The following BIRC6 variants were observed in gnomAD, a reference collection of about 807,000 sequenced individuals.
The protein encoded by BIRC6 is dual E2 ubiquitin-conjugating enzyme/E3 ubiquitin-protein ligase BIRC6.
Under a neutral mutation model 503.3 loss-of-function variants are expected in BIRC6, and 98 were observed. That is an observed-to-expected ratio of 0.19 (90% CI 0.17 to 0.23). BIRC6 has a LOEUF of 0.23. Among genes scored for constraint, BIRC6 ranks in the 10% least tolerant of loss-of-function variants. BIRC6 has a pLI of 1.00. For missense variants in BIRC6, 5,360 were observed against 5,806.0 expected, an observed-to-expected ratio of 0.92 and a Z score of 2.50; for synonymous variants, 2,240 against 2,078.7, an observed-to-expected ratio of 1.08 and a Z score of -2.11.
chr2:32,607,001 C>A (rs1258190447), intron 71 of BIRC6, among the ~76,000 whole-genome samples: 2 of 145,636 alleles, frequency 1.4e-5, no homozygotes, highest in Non-Finnish European at 1.5e-5. Context: ...GAGTGAAACT[C>A]AGTCTTATTA....
intron 63 of BIRC6, among the ~76,000 whole-genome samples, chr2:32,546,876 C>T (rs750352444): frequency 6.6e-6 from 1 of 151,998 alleles, no homozygotes; most frequent in South Asian, 2.1e-4. Flanking sequence ...GTCAGAATTT[C>T]GACACCACCC....
Position 32,415,381 on chromosome 2 carries a change from A to G in BIRC6, c.2090A>G (p.Asn697Ser), listed in dbSNP as rs1024053920. The part of the protein sequence containing the change: ...YIQQFADAAA[N>S]LTSPDSEKWN... ...CAGCAATTTGCAGATGCAGCAGCCA[A>G]CCTTACCTCTCCGGATTCTGAGAAG... Residue 697 changes from asparagine to serine, a missense_variant, in exon 10 of 74, where the codon AAC (asparagine) becomes AGC (serine). By Grantham distance (46) the Asn-to-Ser change is conservative (BLOSUM62 1). Transcript: ENST00000421745. 1.1e-5 allele frequency: 17 copies of G among 1,613,876 alleles called. 1 individual carries two copies. The highest frequency in any genetic ancestry group is 6.7e-5 in the African/African-American group (5 of 74,922).
intron 48 of BIRC6, 48 bp downstream of exon 48, chr2:32,502,939 G>C: frequency 6.5e-7 from 1 of 1,542,630 alleles, no homozygotes; most frequent in East Asian, 2.3e-5. Flanking sequence ...TTATGTGATA[G>C]TATGTTACAT....
chr2:32,602,702 C>T (rs2062146671), intron 70 of BIRC6: 1 of 290,830 alleles, frequency 3.4e-6, no homozygotes, highest in Non-Finnish European at 6.3e-6. Flanking sequence ...ATATGTACAA[C>T]TATGTGCTAA....
At chr2:32,470,427 C>T in intron 31 of BIRC6, 126 bp downstream of exon 31, 1 of 986,662 alleles carries the variant, frequency 1.0e-6, no homozygotes, top group African/African-American at 1.7e-5. Flanking sequence ...ATGATGTAAG[C>T]TTTTAAGAAT....
In BIRC6 at chr2:32,575,540, G is replaced by T. The variant is rs183711299; in HGVS notation, c.13355+174G>T. Among the ~76,000 whole-genome samples the T allele has an allele frequency of 2.8e-3, 431 of 152,222 alleles. 7 individuals are homozygous for T. Among genetic ancestry groups the T allele is most frequent in the African/African-American group, 0.01 (421 of 41,516 alleles). On this transcript the variant is annotated intron_variant, in intron 66 of 73. Coordinates refer to ENST00000421745, the MANE Select transcript of BIRC6 (RefSeq NM_016252.4). ...AGCACTGTGGGAGGCCGAGGTGGATGGATCACGAGGTCAGGAGATCAAGAC... is the reference window on the plus strand; with the variant it reads ...AGCACTGTGGGAGGCCGAGGTGGATTGATCACGAGGTCAGGAGATCAAGAC...
rs148260037 is a variant in BIRC6 at position 32,526,896 on chromosome 2, A to G, written c.11920+1268A>G. 5.6e-4 allele frequency: 86 copies of G among 152,428 alleles called. No individual in the cohort carries two copies. The East Asian group carries it at 0.014, about 25-fold the overall frequency. 9.4% of individuals were successfully genotyped at this position (152,428 alleles called of 1,614,324 possible). A position where few individuals can be genotyped will look rare whatever the true frequency, so the allele number is the denominator to read the frequency against. ...TAAAGCATCTGATGATCAGGAAGCA[A>G]TGGAGAAGTTCATTGATAAATTTGC... On this transcript the variant is annotated intron_variant, in intron 59 of 73. Coordinates refer to ENST00000421745, the MANE Select transcript of BIRC6 (RefSeq NM_016252.4).
At chr2:32,508,841 T>C (rs1242297651) in intron 51 of BIRC6, among the ~76,000 whole-genome samples, 1 of 152,118 alleles carries the variant, frequency 6.6e-6, no homozygotes, top group Non-Finnish European at 1.5e-5. Flanking sequence ...TCCCAGCACT[T>C]GGGGAGGCCA....
intron 44 of BIRC6, 110 bp from the exon 45 acceptor site, chr2:32,493,430 C>T (rs905077494): frequency 4.7e-5 from 48 of 1,016,098 alleles, no homozygotes; most frequent in East Asian, 1.0e-4. Context: ...TTTCCTCGTA[C>T]GAAAAGTTAC....
At chr2:32,535,269 A>G (rs1448297931) in intron 61 of BIRC6, among the ~76,000 whole-genome samples, 1 of 152,022 alleles carries the variant, frequency 6.6e-6, no homozygotes, top group Non-Finnish European at 1.5e-5. Flanking sequence ...TGGCCTTTCA[A>G]CAGAAACCAT....
At chr2:32,436,282 T>C (rs1174181676) in intron 15 of BIRC6, 98 bp downstream of exon 15, 1 of 1,137,002 alleles carries the variant, frequency 8.8e-7, no homozygotes, top group Non-Finnish European at 1.1e-6. Context: ...TTGTTTTCTT[T>C]GGGACTTTCG....
chr2:32,587,382 G>A (rs530750093), intron 66 of BIRC6, among the ~76,000 whole-genome samples: 6 of 151,322 alleles, frequency 4.0e-5, no homozygotes, highest in South Asian at 2.1e-4. Context: ...ACGAGACTCC[G>A]TCTCAAAAAA....
At chr2:32,425,073 T>C (rs1227068698) in intron 10 of BIRC6, among the ~76,000 whole-genome samples, 1 of 149,756 alleles carries the variant, frequency 6.7e-6, no homozygotes, top group Non-Finnish European at 1.5e-5. Flanking sequence ...TAGAAATATC[T>C]ATTCATGTCC....
At chr2:32,576,077 T>C (rs1006822707) in intron 66 of BIRC6, among the ~76,000 whole-genome samples, 5 of 152,230 alleles carry the variant, frequency 3.3e-5, no homozygotes, top group Non-Finnish European at 7.3e-5. Context: ...TGCTATATTT[T>C]ATTTAACTAT....
chr2:32,555,848 C>T (rs1027271020), intron 65 of BIRC6, among the ~76,000 whole-genome samples: 3 of 142,260 alleles, frequency 2.1e-5, no homozygotes, highest in Non-Finnish European at 3.0e-5. Flanking sequence ...CCCAGGAGGG[C>T]GAGGCTGCAG....
chr2:32,543,531 T>C lies in BIRC6; in HGVS notation c.12582T>C (p.Asp4194=). The C allele has an allele frequency of 6.2e-7, 1 of 1,613,356 alleles. No homozygotes were observed. The highest frequency in any genetic ancestry group is 8.5e-7 in the Non-Finnish European group (1 of 1,179,754). Reference sequence around the variant, plus strand: ...GATTGGTATTGGGAGTGACAGATGATGGAGAAGGAAGTAAGTGTTTAGTAT... The same window carrying C: ...GATTGGTATTGGGAGTGACAGATGACGGAGAAGGAAGTAAGTGTTTAGTAT... ...LLRLVLGVTD[D]GEGSHILQSP... is the part of the protein sequence containing the mutation. The change falls in exon 62 of 74, where the codon GAT becomes GAC. Residue 4194 remains aspartate, a synonymous_variant. Transcript: ENST00000421745.
At chr2:32,511,724 AAC>A (rs1435935238) in intron 53 of BIRC6, among the ~76,000 whole-genome samples, 2 of 151,808 alleles carry the variant, frequency 1.3e-5, no homozygotes, top group African/African-American at 4.8e-5. Context: ...ATATTAGAAA[AAC>A]AGAGAGATTT....
rs774500693 is a variant in BIRC6, at chr2:32,401,286, C to G, written c.1158C>G (p.Asp386Glu). ...PAQFPCTDGT[D>E]RISCFGSGSC... The stretch of plus-strand genomic sequence containing the variant: ...AGTTTCCTTGTACGGATGGAACTGA[C>G]AGAATATCTTGCTTTGGGTCGGGGA... The change falls in exon 7 of 74, where the codon GAC becomes GAG. Residue 386 changes from aspartate to glutamate, a missense_variant. Asp to Glu is a conservative substitution (Grantham distance 45). This residue lies in a region of BIRC6 where 92 missense variants were observed against 176.7 expected (regional missense o/e 0.52). Coordinates refer to ENST00000421745, the MANE Select transcript of BIRC6 (RefSeq NM_016252.4). 23 of 1,614,006 alleles carry G rather than the reference C, an allele frequency of 1.4e-5. No homozygotes were observed. Among genetic ancestry groups the G allele is most frequent in the Non-Finnish European group, 1.9e-5 (23 of 1,179,888 alleles).
intron 62 of BIRC6, among the ~76,000 whole-genome samples, chr2:32,544,672 A>G (rs1369057113): frequency 6.6e-6 from 1 of 151,892 alleles, no homozygotes; most frequent in Non-Finnish European, 1.5e-5. Flanking sequence ...TAATAAAACT[A>G]TATGAATTTA....
Sources: allele counts gnomAD v4.1 joint callset (sites outside exome capture counted in the v4.1 genomes callset), GRCh38; gene constraint gnomAD v4.1.1; regional missense constraint gnomAD v4.1.1; transcripts MANE v1.5; gene names NCBI Gene and HGNC (gene_info 2026-07-23, HGNC 2026-07-21).